Variants in PARD6G observed in about 807,000 individuals in gnomAD.
The protein encoded by PARD6G is par-6 family cell polarity regulator gamma, also known as partitioning defective 6 homolog gamma.
A neutral mutation model predicts 10.7 loss-of-function variants in PARD6G; 7 were observed. The ratio of observed to expected loss-of-function variants is 0.66; its 90% CI spans 0.37 to 1.23. PARD6G has a LOEUF of 1.23. Ranked by LOEUF, PARD6G falls within the 50% of genes most tolerant of loss-of-function variation. PARD6G has a pLI of 0.02. For missense variants in PARD6G, 548 were observed against 571.8 expected (o/e 0.96, Z 0.42); for synonymous variants, 287 against 269.4 (o/e 1.07, Z -0.64).
chr18:80,216,638 A>G (rs1321724077), intron 1 of PARD6G, among the ~76,000 whole-genome samples: 1 of 152,178 alleles, frequency 6.6e-6, no homozygotes, highest in East Asian at 1.9e-4. Flanking sequence ...AAGGAAATGT[A>G]CAGCTGTAAA....
rs192561705 is a variant in PARD6G, at chr18:80,169,003, G to A, written c.296-8397C>T. 561 of 169,376 alleles carry A rather than the reference G, an allele frequency of 3.3e-3. 4 individuals are homozygous for A. Among genetic ancestry groups the A allele is most frequent in the African/African-American group, 0.013 (526 of 41,632 alleles). The allele number at this position is 169,376 out of a possible 1,614,324, so 10.5% of individuals were successfully genotyped here. On this transcript the variant is annotated intron_variant, in intron 2 of 2. Transcript: ENST00000353265. ...CGAGGAAGGGTGGGAACTGCTGAAG[G>A]TGCCTCTTCCAAAGGTTTCCAGGGT...
intron 1 of PARD6G, among the ~76,000 whole-genome samples, chr18:80,226,165 T>C (rs1462758459): frequency 1.0e-5 from 1 of 99,050 alleles, no homozygotes; most frequent in Non-Finnish European, 2.1e-5. Flanking sequence ...TTTTTTTTTT[T>C]TTTTTTTTTT....
At chr18:80,222,647 A>G (rs1472637027) in intron 1 of PARD6G, among the ~76,000 whole-genome samples, 3 of 152,138 alleles carry the variant, frequency 2.0e-5, no homozygotes, top group Admixed American at 2.0e-4. Flanking sequence ...GAGTACAGAA[A>G]AAAACCTTAC....
chr18:80,167,308 C>T (rs530752421), intron 2 of PARD6G, among the ~76,000 whole-genome samples: 1 of 145,756 alleles, frequency 6.9e-6, no homozygotes, highest in Non-Finnish European at 1.5e-5. Context: ...GTGTGTGGAC[C>T]CGTGTGCAGG....
At position 80,200,325 on chromosome 18, in the gene PARD6G, C is replaced by T. The variant is rs1380538118; in HGVS notation, c.295+2385G>A. On this transcript the variant is annotated intron_variant, in intron 2 of 2. Coordinates refer to ENST00000353265, the MANE Select transcript of PARD6G (RefSeq NM_032510.4). The surrounding 1 kb of genome is among the most constrained non-coding windows in gnomAD (Gnocchi z 4.4). The stretch of plus-strand genomic sequence containing the variant: ...TGCCCCTGACTGCCACCTGGAATGT[C>T]GTCATCTTTACAGTCAAATCCACTG... Among the ~76,000 whole-genome samples the T allele has an allele frequency of 3.9e-5, 6 of 152,144 alleles. No individual in the cohort carries two copies. The highest frequency in any genetic ancestry group is 7.3e-5 in the Non-Finnish European group (5 of 68,036).
intron 2 of PARD6G, among the ~76,000 whole-genome samples, chr18:80,199,815 T>C (rs1198630594): frequency 1.3e-5 from 2 of 152,144 alleles, no homozygotes; most frequent in Non-Finnish European, 2.9e-5. Context: ...GGATGATTTA[T>C]ATATTTTTTA....
intron 2 of PARD6G, among the ~76,000 whole-genome samples, chr18:80,176,982 G>A (rs1440278402): frequency 7.0e-6 from 1 of 142,792 alleles, no homozygotes; most frequent in Non-Finnish European, 1.5e-5. Flanking sequence ...CACACACACA[G>A]GATAAATCAC....
intron 1 of PARD6G, among the ~76,000 whole-genome samples, chr18:80,227,163 T>A (rs1485246643): frequency 6.6e-6 from 1 of 152,204 alleles, no homozygotes; most frequent in African/African-American, 2.4e-5. Context: ...AGTCTCACCA[T>A]GTAGCTAGGG....
chr18:80,245,183 G>T (rs1967530908), intron 1 of PARD6G, among the ~76,000 whole-genome samples: 1 of 152,214 alleles, frequency 6.6e-6, no homozygotes, highest in Non-Finnish European at 1.5e-5. Context: ...CCTCTGTAGT[G>T]CCAGCAGCCC....
At chr18:80,216,764 T>C (rs868331112) in intron 1 of PARD6G, among the ~76,000 whole-genome samples, 1 of 151,622 alleles carries the variant, frequency 6.6e-6, no homozygotes, top group Non-Finnish European at 1.5e-5. Flanking sequence ...ATAATAGCGG[T>C]TAGGGTGGAA....
rs1292004236 is a variant in PARD6G at position 80,183,491 on chromosome 18, C to T, written c.295+19219G>A. Among the ~76,000 whole-genome samples the T allele has an allele frequency of 2.0e-5, 3 of 152,146 alleles. No individual in the cohort carries two copies. Among genetic ancestry groups the T allele is most frequent in the African/African-American group, 7.2e-5 (3 of 41,426 alleles). On this transcript the variant is annotated intron_variant, in intron 2 of 2. Transcript: ENST00000353265. The surrounding 1 kb of genome is among the most constrained non-coding windows in gnomAD (Gnocchi z 4.5). ...GGTCCCAGCTGAGTCCCCCAAGGCTCAGCACGTGATCCTGCCGGTCGTACA... is the reference window on the plus strand; with the variant it reads ...GGTCCCAGCTGAGTCCCCCAAGGCTTAGCACGTGATCCTGCCGGTCGTACA...
intron 1 of PARD6G, among the ~76,000 whole-genome samples, chr18:80,206,451 C>T (rs889503457): frequency 6.6e-6 from 1 of 152,194 alleles, no homozygotes; most frequent in Admixed American, 6.5e-5. Context: ...AGTATACTTA[C>T]CAGAAACTGA....
chr18:80,172,194 G>C (rs555522294), intron 2 of PARD6G, among the ~76,000 whole-genome samples: 48 of 152,234 alleles, frequency 3.2e-4, no homozygotes, highest in African/African-American at 1.1e-3. Context: ...GACAATACTT[G>C]TTTCTGTCTG....
intron 1 of PARD6G, among the ~76,000 whole-genome samples, chr18:80,243,333 C>T (rs905986958): frequency 6.6e-5 from 10 of 152,038 alleles, no homozygotes; most frequent in Admixed American, 4.6e-4. Context: ...GAGGGGAAGC[C>T]GGCTACACCA....
rs1489058879 is a variant in PARD6G, at chr18:80,182,170, C to T, written c.295+20540G>A. On this transcript the variant is annotated intron_variant, in intron 2 of 2. Transcript: ENST00000353265. The surrounding 1 kb of genome is among the most constrained non-coding windows in gnomAD (Gnocchi z 4.5). ...CCACAACTGCGACCTTGTCTTTGAC[C>T]TTGAACTTCTGTCTCCTCCTCCCAA... is the stretch of plus-strand genomic sequence containing the variant. Among the ~76,000 whole-genome samples, 1 of 152,228 alleles carries T rather than the reference C, an allele frequency of 6.6e-6. No homozygotes were observed. Among genetic ancestry groups the T allele is most frequent in the East Asian group, 1.9e-4 (1 of 5,202 alleles).
intron 2 of PARD6G, chr18:80,162,699 GACTGGATGTGC>G (rs1466160998): frequency 6.0e-6 from 1 of 167,878 alleles, no homozygotes; most frequent in East Asian, 1.9e-4. Flanking sequence ...AACACCGTGA[GACTGGATGTGC>G]ACAGGATATG....
Position 80,160,491 on chromosome 18 carries a change from C to A in PARD6G, c.411G>T (p.Pro137=). ...TGGATGATACGGGGCGGAAGTCGCG[C>A]GGGAGGCCGATGTCCAGGTGTGCAC... ...RRRAHLDIGL[P]RDFRPVSSII... The change falls in exon 3 of 3, where the codon CCG becomes CCT. Residue 137 remains proline, a synonymous_variant. Coordinates refer to ENST00000353265, the MANE Select transcript of PARD6G (RefSeq NM_032510.4). 6.5e-7 allele frequency: 1 copy of A among 1,547,000 alleles called. No individual in the cohort carries two copies.
chr18:80,209,613 C>T (rs914813852), intron 1 of PARD6G, among the ~76,000 whole-genome samples: 1 of 152,128 alleles, frequency 6.6e-6, no homozygotes, highest in Admixed American at 6.5e-5. Flanking sequence ...GAGTTTGATA[C>T]CAGCCTGGGC....
At chr18:80,218,691 G>A (rs1967196853) in intron 1 of PARD6G, among the ~76,000 whole-genome samples, 2 of 152,198 alleles carry the variant, frequency 1.3e-5, no homozygotes, top group South Asian at 4.1e-4. Context: ...GCTCCAGTGG[G>A]GACTGTATGT....
Sources: gnomAD v4.1 joint callset for allele counts (sites outside exome capture counted in the v4.1 genomes callset) on GRCh38, gnomAD v4.1.1 for gene constraint, Gnocchi (gnomAD v3.1) non-coding constraint, MANE v1.5 for transcripts, NCBI Gene and HGNC (gene_info 2026-07-23, HGNC 2026-07-21) for gene names.